The following SLC4A4 variants were observed in gnomAD, a reference collection of about 807,000 sequenced individuals.
SLC4A4 encodes electrogenic sodium bicarbonate cotransporter 1.
A neutral mutation model predicts 111.5 loss-of-function variants in SLC4A4; 27 were observed. The observed-to-expected ratio is 0.24, with a 90% CI of 0.18 to 0.33. The LOEUF (loss-of-function observed/expected upper bound fraction) is 0.33. Among genes scored for constraint, SLC4A4 ranks in the 10% least tolerant of loss-of-function variants. The pLI is 1.00. For missense variants in SLC4A4, 909 were observed against 1,315.5 expected (o/e 0.69, Z 4.78); for synonymous variants, 443 against 463.4 (o/e 0.96, Z 0.57).
At chr4:71,460,722 C>T (rs1040427398) in intron 12 of SLC4A4, among the ~76,000 whole-genome samples, 5 of 152,008 alleles carry the variant, frequency 3.3e-5, no homozygotes, top group African/African-American at 9.7e-5. Flanking sequence ...TGTGACCAAT[C>T]GTTACTGATA....
Position 71,571,102 on chromosome 4 carries a change from A to G in SLC4A4, c.*3351A>G, listed in dbSNP as rs1417159434. 1.3e-5 allele frequency: 2 copies of G among 152,278 alleles called. No homozygotes were observed. Among genetic ancestry groups the G allele is most frequent in the Non-Finnish European group, 2.9e-5 (2 of 67,842 alleles). The allele number at this position is 152,278 out of a possible 1,614,324, so 9.4% of individuals were successfully genotyped here. A position where few individuals can be genotyped will look rare whatever the true frequency, so the allele number is the denominator to read the frequency against. ...TTTATCAACTGTATACTGGTGTTTAATAGAGAATGATTGTCTTCCGAGTTT... is the reference window on the plus strand; with the variant it reads ...TTTATCAACTGTATACTGGTGTTTAGTAGAGAATGATTGTCTTCCGAGTTT... On this transcript the variant is annotated 3_prime_UTR_variant, in exon 26 of 26. Transcript: ENST00000264485.
At chr4:71,113,658 A>G (rs1338285355) in intron 2 of SLC4A4, among the ~76,000 whole-genome samples, 1 of 152,176 alleles carries the variant, frequency 6.6e-6, no homozygotes, top group Non-Finnish European at 1.5e-5. Flanking sequence ...AGATGCCTAC[A>G]ATATAATAAC....
chr4:71,101,681 G>C (rs958533080), intron 2 of SLC4A4, among the ~76,000 whole-genome samples: 1 of 151,738 alleles, frequency 6.6e-6, no homozygotes, highest in African/African-American at 2.4e-5. Context: ...CACATGGCAG[G>C]GTATTCCAAC....
chr4:71,109,141 G>A (rs1051338143), intron 2 of SLC4A4, among the ~76,000 whole-genome samples: 4 of 151,998 alleles, frequency 2.6e-5, no homozygotes, highest in African/African-American at 4.8e-5. Flanking sequence ...AGGGTTTGCT[G>A]TTTTTGTTTT....
intron 2 of SLC4A4, among the ~76,000 whole-genome samples, chr4:71,157,017 C>T (rs1744495994): frequency 6.6e-6 from 1 of 152,104 alleles, no homozygotes. Flanking sequence ...TATTCCTACC[C>T]AGCATTTGTC....
intron 3 of SLC4A4, among the ~76,000 whole-genome samples, chr4:71,259,320 C>A (rs1483569268): frequency 6.6e-6 from 1 of 151,918 alleles, no homozygotes; most frequent in African/African-American, 2.4e-5. Flanking sequence ...TTGATTTTTA[C>A]ACATTTGGAG....
intron 2 of SLC4A4, among the ~76,000 whole-genome samples, chr4:71,166,802 A>C (rs1338700403): frequency 1.3e-5 from 2 of 152,196 alleles, no homozygotes; most frequent in African/African-American, 4.8e-5. Context: ...CAGTTATTTA[A>C]ACTTCATTTG....
chr4:71,547,609 G>T, intron 19 of SLC4A4, 39 bp from the exon 20 acceptor site: 1 of 1,519,844 alleles, frequency 6.6e-7, no homozygotes, highest in Non-Finnish European at 9.1e-7. Flanking sequence ...TGTTTATGAA[G>T]ACAAGAGGTA....
chr4:71,099,290 T>TA (rs1742648921), intron 2 of SLC4A4, among the ~76,000 whole-genome samples: 1 of 152,096 alleles, frequency 6.6e-6, no homozygotes, highest in South Asian at 2.1e-4. Context: ...AAGTCAAGAC[T>TA]AAAAACATGC....
At chr4:71,270,027 C>T (rs528790183) in intron 3 of SLC4A4, among the ~76,000 whole-genome samples, 24 of 152,184 alleles carry the variant, frequency 1.6e-4, no homozygotes, top group Non-Finnish European at 3.1e-4. Flanking sequence ...TAGTTATTAT[C>T]ATTAAGTAAC....
chr4:71,107,659 T>G (rs1742977761), intron 2 of SLC4A4, among the ~76,000 whole-genome samples: 1 of 151,888 alleles, frequency 6.6e-6, no homozygotes, highest in Non-Finnish European at 1.5e-5. Context: ...GTTTAGTTGA[T>G]TTTTACAGAT....
At chr4:71,497,849 T>C (rs753199169) in intron 16 of SLC4A4, among the ~76,000 whole-genome samples, 157 bp downstream of exon 16, 2 of 152,134 alleles carry the variant, frequency 1.3e-5, no homozygotes, top group African/African-American at 2.4e-5. Context: ...TGTGCATACT[T>C]ATTAACGTAA....
At chr4:71,217,515 A>G (rs1718505306) in intron 1 of SLC4A4, among the ~76,000 whole-genome samples, 1 of 152,188 alleles carries the variant, frequency 6.6e-6, no homozygotes, top group African/African-American at 2.4e-5. Context: ...ATGAGCTGAG[A>G]TCGTGTCACT....
chr4:71,285,783 A>G (rs974398926), intron 3 of SLC4A4, among the ~76,000 whole-genome samples: 1 of 152,214 alleles, frequency 6.6e-6, no homozygotes, highest in African/African-American at 2.4e-5. Context: ...TTTAGATTAA[A>G]ATGTCATCTA....
chr4:71,356,948 A>C, intron 5 of SLC4A4, 60 bp from the exon 6 acceptor site: 6 of 1,520,662 alleles, frequency 3.9e-6, no homozygotes, highest in Non-Finnish European at 5.4e-6. Context: ...AGTTAGAGTA[A>C]AAAAATAACT....
rs192053375 is a variant in SLC4A4 at position 71,210,132 on chromosome 4, C to G, written c.-2+22731C>G. ...CCAGTGTGGACACCAATGGGGTGCC[C>G]ATCTGAGTAGCCCTGGGTGTCGCCC... On this transcript the variant is annotated intron_variant, in intron 1 of 25. Coordinates refer to ENST00000264485, the MANE Select transcript of SLC4A4 (RefSeq NM_001098484.3). 1.2e-4 allele frequency among the ~76,000 whole-genome samples: 18 copies of G among 152,284 alleles called. No individual in the cohort carries two copies. In the East Asian group the frequency reaches 3.5e-3, roughly 29 times the overall value.
intron 7 of SLC4A4, among the ~76,000 whole-genome samples, chr4:71,398,613 T>TA (rs886256750): frequency 3.9e-5 from 6 of 152,110 alleles, no homozygotes; most frequent in African/African-American, 7.2e-5. Context: ...GCAATATATT[T>TA]AAAAAAATCA....
chr4:71,485,511 C>A (rs918479450), intron 14 of SLC4A4, among the ~76,000 whole-genome samples: 4 of 151,380 alleles, frequency 2.6e-5, no homozygotes, highest in Admixed American at 2.0e-4. Flanking sequence ...GATTAGCTTT[C>A]TGATGTGCTT....
At chr4:71,536,457 C>CATATACATATATATATATAT (rs1553928531) in intron 18 of SLC4A4, among the ~76,000 whole-genome samples, 1 of 31,406 alleles carries the variant, frequency 3.2e-5, no homozygotes, top group Non-Finnish European at 6.3e-5. Context: ...TACATATATA[C>CATATACATATATATATATAT]ATATATACAT....
Sources: gnomAD v4.1 joint callset for allele counts (sites outside exome capture counted in the v4.1 genomes callset) on GRCh38, gnomAD v4.1.1 for gene constraint, MANE v1.5 for transcripts, NCBI Gene and HGNC (gene_info 2026-07-23, HGNC 2026-07-21) for gene names.